Variants in IPMK observed in about 807,000 individuals in gnomAD.
IPMK encodes inositol 1,3,4,6-tetrakisphosphate 5-kinase.
Under a neutral mutation model 45.8 loss-of-function variants are expected in IPMK, and 17 were observed. The ratio of observed to expected loss-of-function variants is 0.37; its 90% confidence interval spans 0.25 to 0.56. The LOEUF (loss-of-function observed/expected upper bound fraction) is 0.56, where lower values mean the gene tolerates loss of function less well. Ranked by LOEUF, IPMK falls within the 20% of genes least tolerant of loss-of-function variation. The pLI is 0.79. For synonymous variants in IPMK, 180 were observed against 184.3 expected, an observed-to-expected ratio of 0.98 and a Z score of 0.19; for missense variants, 399 against 498.0, an observed-to-expected ratio of 0.80 and a Z score of 1.89.
chr10:58,244,946 T>C (rs1312158195), intron 1 of IPMK, among the ~76,000 whole-genome samples: 2 of 151,958 alleles, frequency 1.3e-5, no homozygotes, highest in Non-Finnish European at 2.9e-5. Context: ...CCAGAGACCT[T>C]TGTTCTCATG....
At chr10:58,253,637 C>T (rs960648097) in intron 1 of IPMK, among the ~76,000 whole-genome samples, 1 of 149,778 alleles carries the variant, frequency 6.7e-6, no homozygotes, top group Admixed American at 6.7e-5. Flanking sequence ...ACTCGGGAGG[C>T]TGAGGCGGGA....
chr10:58,239,550 G>A (rs932957504), intron 1 of IPMK, among the ~76,000 whole-genome samples: 5 of 152,122 alleles, frequency 3.3e-5, no homozygotes, highest in Non-Finnish European at 7.3e-5. Context: ...CAGCCAAGCG[G>A]TAGACAACAG....
At chr10:58,226,554 T>C (rs564168941) in intron 3 of IPMK, among the ~76,000 whole-genome samples, 1 of 152,300 alleles carries the variant, frequency 6.6e-6, no homozygotes, top group Non-Finnish European at 1.5e-5. Flanking sequence ...CAGGTATTAG[T>C]TAATCTTAAA....
chr10:58,252,078 T>G (rs1838888564), intron 1 of IPMK, among the ~76,000 whole-genome samples: 1 of 152,240 alleles, frequency 6.6e-6, no homozygotes, highest in Non-Finnish European at 1.5e-5. Context: ...TGTCTTCCTT[T>G]GTAGTTAAGG....
chr10:58,217,294 T>C (rs1838258501), intron 3 of IPMK, among the ~76,000 whole-genome samples: 1 of 151,628 alleles, frequency 6.6e-6, no homozygotes, highest in African/African-American at 2.4e-5. Flanking sequence ...GCCCCAGTTA[T>C]CATACATGGC....
chr10:58,243,472 T>A (rs1210922137), intron 1 of IPMK, among the ~76,000 whole-genome samples: 1 of 152,108 alleles, frequency 6.6e-6, no homozygotes, highest in Admixed American at 6.6e-5. Context: ...CGGGCTCGGG[T>A]GATTCTCCTG....
chr10:58,226,930 A>G (rs1838425069), intron 3 of IPMK, 113 bp downstream of exon 3: 2 of 623,982 alleles, frequency 3.2e-6, no homozygotes, highest in Non-Finnish European at 2.8e-6. Context: ...CAAAACATAT[A>G]TATTTTGTGT....
At chr10:58,217,969 CA>C (rs1838273435) in intron 3 of IPMK, among the ~76,000 whole-genome samples, 1 of 152,084 alleles carries the variant, frequency 6.6e-6, no homozygotes, top group East Asian at 1.9e-4. Context: ...TATGCTCAAA[CA>C]AAAGTGAGAA....
At chr10:58,264,968 G>T (rs983527218) in intron 1 of IPMK, among the ~76,000 whole-genome samples, 2 of 152,140 alleles carry the variant, frequency 1.3e-5, no homozygotes, top group Admixed American at 1.3e-4. Flanking sequence ...GAATGAGTAG[G>T]GGGAAGGGCA....
At chr10:58,246,364 G>T (rs1185236868) in intron 1 of IPMK, among the ~76,000 whole-genome samples, 2 of 141,678 alleles carry the variant, frequency 1.4e-5, no homozygotes, top group African/African-American at 2.9e-5. Context: ...TAAGCCAAAA[G>T]AACAAAGCTA....
rs974208334 is a variant in IPMK, at chr10:58,205,715, A to G, written c.547-6394T>C. ...GGTGGCTAGGGATTTAAAAAACTAC[A>G]TATTAGGTACAATGTACGCTACTCA... On this transcript the variant is annotated intron_variant, in intron 4 of 5. Coordinates refer to ENST00000373935, the MANE Select transcript of IPMK (RefSeq NM_152230.5). Among the ~76,000 whole-genome samples, 4 of 152,306 alleles carry G rather than the reference A, an allele frequency of 2.6e-5. No homozygotes were observed. In the South Asian group the frequency reaches 6.2e-4, roughly 24 times the overall value.
rs556375757 is a variant in IPMK, at chr10:58,234,008, C to T, written c.276+3721G>A. On this transcript the variant is annotated intron_variant, in intron 2 of 5. Coordinates refer to ENST00000373935, the MANE Select transcript of IPMK (RefSeq NM_152230.5). The stretch of plus-strand genomic sequence containing the variant: ...CAATGTACAAAAATCACAAGCATTC[C>T]TATACACCATTAACAGACAAACAGA... Among the ~76,000 whole-genome samples, 9 of 152,224 alleles carry T rather than the reference C, an allele frequency of 5.9e-5. No individual in the cohort carries two copies. In the East Asian group the frequency reaches 1.4e-3, roughly 23 times the overall value.
At chr10:58,245,611 C>CAAAA (rs35191082) in intron 1 of IPMK, among the ~76,000 whole-genome samples, 65 of 124,750 alleles carry the variant, frequency 5.2e-4, no homozygotes, top group African/African-American at 1.8e-3. Flanking sequence ...GACTCTGTCT[C>CAAAA]AAAAAAAAAA....
intron 1 of IPMK, among the ~76,000 whole-genome samples, chr10:58,261,949 T>C (rs1839075690): frequency 6.6e-6 from 1 of 151,964 alleles, no homozygotes; most frequent in African/African-American, 2.4e-5. Context: ...TGTAGCGACA[T>C]GGATGAAACT....
At chr10:58,208,819 C>T (rs1277148814) in intron 4 of IPMK, among the ~76,000 whole-genome samples, 1 of 152,200 alleles carries the variant, frequency 6.6e-6, no homozygotes, top group Non-Finnish European at 1.5e-5. Flanking sequence ...GGGGGTATCC[C>T]TGCATAGGCA....
intron 2 of IPMK, among the ~76,000 whole-genome samples, chr10:58,235,488 A>G (rs1838596335): frequency 6.6e-6 from 1 of 152,174 alleles, no homozygotes; most frequent in Non-Finnish European, 1.5e-5. Flanking sequence ...ATGCAGCCAT[A>G]AAAAAGAATG....
intron 1 of IPMK, among the ~76,000 whole-genome samples, chr10:58,240,653 C>T (rs2132167248): frequency 1.4e-5 from 2 of 146,532 alleles, no homozygotes. Context: ...AAGACATACA[C>T]CACGAAAAAA....
intron 4 of IPMK, among the ~76,000 whole-genome samples, chr10:58,213,423 G>A (rs928144440): frequency 1.5e-4 from 23 of 152,184 alleles, no homozygotes; most frequent in Non-Finnish European, 2.8e-4. Flanking sequence ...GGTGGCTCAC[G>A]CCTGTAATCC....
chr10:58,252,611 C>CTTTTTTTTT (rs113777957), intron 1 of IPMK, among the ~76,000 whole-genome samples: 1 of 111,254 alleles, frequency 9.0e-6, no homozygotes, highest in African/African-American at 3.6e-5. Context: ...GTTTTCTTTT[C>CTTTTTTTTT]TTTTTTTTTT....
Sources: gnomAD v4.1 joint callset for allele counts (sites outside exome capture counted in the v4.1 genomes callset) on GRCh38, gnomAD v4.1.1 for gene constraint, MANE v1.5 for transcripts, NCBI Gene and HGNC (gene_info 2026-07-23, HGNC 2026-07-21) for gene names.